The following PTPN12 variants were observed in gnomAD, a reference collection of about 807,000 sequenced individuals.
PTPN12 encodes protein tyrosine phosphatase non-receptor type 12.
In PTPN12, 29 loss-of-function variants were observed where a neutral mutation model predicts 97.6. That is an observed-to-expected ratio of 0.30 (90% CI 0.22 to 0.41). The LOEUF (loss-of-function observed/expected upper bound fraction) is 0.41. PTPN12 is among the 10% of genes least tolerant of loss of function. PTPN12 has a pLI of 1.00. For synonymous variants in PTPN12, 327 were observed against 300.4 expected, an observed-to-expected ratio of 1.09 and a Z score of -0.91; for missense variants, 819 against 926.0, an observed-to-expected ratio of 0.88 and a Z score of 1.50.
chr7:77,594,102 T>A (rs1317784902), intron 6 of PTPN12, among the ~76,000 whole-genome samples: 1 of 152,188 alleles, frequency 6.6e-6, no homozygotes, highest in Admixed American at 6.5e-5. Flanking sequence ...ATTGAACTTT[T>A]TGGATGTAGT....
intron 1 of PTPN12, chr7:77,538,958 G>C (rs1806815905): frequency 6.6e-6 from 1 of 152,140 alleles, no homozygotes; most frequent in Admixed American, 6.5e-5. Flanking sequence ...CTTGGGTAAG[G>C]TACACCTCGA....
At chr7:77,622,195 T>G (rs1788963624) in intron 12 of PTPN12, among the ~76,000 whole-genome samples, 1 of 152,196 alleles carries the variant, frequency 6.6e-6, no homozygotes, top group Admixed American at 6.5e-5. Flanking sequence ...GCTCAAGGGA[T>G]CCACCCATTT....
At chr7:77,565,703 T>G (rs895963332) in intron 1 of PTPN12, among the ~76,000 whole-genome samples, 1 of 152,234 alleles carries the variant, frequency 6.6e-6, no homozygotes, top group African/African-American at 2.4e-5. Flanking sequence ...CTTTTGAGAA[T>G]CCATTTATTG....
chr7:77,598,003 G>A (rs1475672006), intron 7 of PTPN12, 102 bp downstream of exon 7: 1 of 1,456,958 alleles, frequency 6.9e-7, no homozygotes, highest in Non-Finnish European at 9.1e-7. Context: ...TGAAGTGGGA[G>A]GGTGACTTGA....
intron 6 of PTPN12, 76 bp downstream of exon 6, chr7:77,592,332 G>T: frequency 8.0e-7 from 1 of 1,249,326 alleles, no homozygotes; most frequent in South Asian, 1.4e-5. Context: ...ATTATAATGT[G>T]GTATGAACCC....
rs1298553010 is a variant in PTPN12 at position 77,625,467 on chromosome 7, TGCTC to T, written c.1026-1233_1026-1230del. On this transcript the variant is annotated intron_variant, in intron 12 of 17. Transcript: ENST00000248594. ...CAGGGTTTTGCCATATTGCCCAGGC[TGCTC>T]GCTCTCTCTCTCTCTCTCTCTCTCT... Among the ~76,000 whole-genome samples the T allele has an allele frequency of 3.9e-3, 78 of 19,906 alleles. 3 individuals are homozygous for T. Among genetic ancestry groups the T allele is most frequent in the Middle Eastern group, 0.036 (1 of 28 alleles). The allele number at this position is 19,906 out of a possible 152,430, so 13.1% of individuals were successfully genotyped here. A position where few individuals can be genotyped will look rare whatever the true frequency, so the allele number is the denominator to read the frequency against.
chr7:77,555,107 C>G (rs1257928156), intron 1 of PTPN12, among the ~76,000 whole-genome samples: 2 of 152,202 alleles, frequency 1.3e-5, no homozygotes, highest in East Asian at 3.9e-4. Context: ...TTGTCACTCT[C>G]TTCTTGCTTG....
At chr7:77,541,629 G>A (rs1422424293) in intron 1 of PTPN12, among the ~76,000 whole-genome samples, 1 of 152,152 alleles carries the variant, frequency 6.6e-6, no homozygotes, top group Non-Finnish European at 1.5e-5. Context: ...CATAATGTAT[G>A]AGTGTTCATA....
At chr7:77,581,573 CTTT>C in intron 3 of PTPN12, 70 bp downstream of exon 3, 1 of 902,366 alleles carries the variant, frequency 1.1e-6, no homozygotes, top group East Asian at 2.9e-5. Flanking sequence ...TTTGTAAAAA[CTTT>C]TTGAATTGCT....
intron 14 of PTPN12, among the ~76,000 whole-genome samples, chr7:77,634,733 G>A (rs2151408431): frequency 6.6e-6 from 1 of 151,188 alleles, no homozygotes; most frequent in Non-Finnish European, 1.5e-5. Flanking sequence ...GAGCCACCAC[G>A]CCCGGCTAAT....
At chr7:77,606,923 T>G (rs935869313) in intron 8 of PTPN12, 1 of 184,090 alleles carries the variant, frequency 5.4e-6, no homozygotes, top group Non-Finnish European at 1.1e-5. Flanking sequence ...TAGTGACTAG[T>G]GATAGATTGT....
At chr7:77,563,890 T>C in intron 1 of PTPN12, 1 of 422,284 alleles carries the variant, frequency 2.4e-6, no homozygotes, top group Non-Finnish European at 4.7e-6. Flanking sequence ...TTTAGCTGCT[T>C]ATAACCATTA....
At chr7:77,575,840 T>C (rs1228433632) in intron 2 of PTPN12, among the ~76,000 whole-genome samples, 1 of 152,164 alleles carries the variant, frequency 6.6e-6, no homozygotes, top group Non-Finnish European at 1.5e-5. Flanking sequence ...TATAGTCTTT[T>C]GTGTCTAGCT....
chr7:77,567,667 A>G (rs1251897402), intron 1 of PTPN12, among the ~76,000 whole-genome samples: 7 of 152,222 alleles, frequency 4.6e-5, no homozygotes, highest in Admixed American at 3.3e-4. Context: ...GCACACTCAA[A>G]TTTGACAAAC....
chr7:77,587,688 T>C (rs1472867382), intron 5 of PTPN12, among the ~76,000 whole-genome samples: 1 of 152,228 alleles, frequency 6.6e-6, no homozygotes. Flanking sequence ...GTTGACTTCT[T>C]TTCTCTAGTT....
chr7:77,573,296 T>C (rs957255886), intron 2 of PTPN12, among the ~76,000 whole-genome samples: 2 of 152,136 alleles, frequency 1.3e-5, no homozygotes, highest in Non-Finnish European at 2.9e-5. Flanking sequence ...ATAACAGACA[T>C]TTGTATCTTC....
At chr7:77,592,954 G>A (rs1164889786) in intron 6 of PTPN12, among the ~76,000 whole-genome samples, 1 of 152,110 alleles carries the variant, frequency 6.6e-6, no homozygotes, top group Non-Finnish European at 1.5e-5. Flanking sequence ...TAAAAAGACT[G>A]TAATTGAACA....
chr7:77,540,490 C>T lies in PTPN12; in HGVS notation c.99+2845C>T, dbSNP rs149991701. Among the ~76,000 whole-genome samples the T allele has an allele frequency of 8.2e-4, 124 of 151,384 alleles. 2 individuals carry two copies. The East Asian group carries it at 0.013, about 16-fold the overall frequency. ...CATCTGACTGACTTTGTGATCTGCC[C>T]GCCTCAGCCTCCCAAAGTGCTAGGA... is the stretch of plus-strand genomic sequence containing the variant. On this transcript the variant is annotated intron_variant, in intron 1 of 17. Transcript: ENST00000248594.
chr7:77,618,602 A>T lies in PTPN12; in HGVS notation c.1025+37A>T, dbSNP rs1467762291. On this transcript the variant is annotated intron_variant, in intron 12 of 17. Coordinates refer to ENST00000248594, the MANE Select transcript of PTPN12 (RefSeq NM_002835.4). The stretch of plus-strand genomic sequence containing the variant: ...CTTCGAACATTTTCTTTAAAAGCAT[A>T]CTTGTTTCTACTCACTGTTAATTAA... 3 of 1,289,476 alleles carry T rather than the reference A, an allele frequency of 2.3e-6. No homozygotes were observed. In the Admixed American group the frequency reaches 5.6e-5, roughly 24 times the overall value. 79.9% of individuals were successfully genotyped at this position (1,289,476 alleles called of 1,614,324 possible).
Sources: allele counts gnomAD v4.1 joint callset (sites outside exome capture counted in the v4.1 genomes callset), GRCh38; gene constraint gnomAD v4.1.1; transcripts MANE v1.5; gene names NCBI Gene and HGNC (gene_info 2026-07-23, HGNC 2026-07-21).